Variants in SIPA1L2 observed in about 807,000 individuals in gnomAD.
SIPA1L2 encodes the protein signal induced proliferation associated 1 like 2, also known as signal-induced proliferation-associated 1-like protein 2.
SIPA1L2 carries 56 observed loss-of-function variants against 163.9 expected under a neutral mutation model. The observed-to-expected ratio is 0.34, with a 90% CI of 0.28 to 0.43. The LOEUF (loss-of-function observed/expected upper bound fraction) is 0.43. Among genes scored for constraint, SIPA1L2 ranks in the 20% least tolerant of loss-of-function variants. The pLI is 1.00. For missense variants in SIPA1L2, 1,974 were observed against 2,193.5 expected (o/e 0.90, Z 2.00); for synonymous variants, 877 against 865.7 (o/e 1.01, Z -0.23).
At chr1:232,600,767 C>A (rs1366874612) in intron 1 of SIPA1L2, among the ~76,000 whole-genome samples, 1 of 152,066 alleles carries the variant, frequency 6.6e-6, no homozygotes, top group Admixed American at 6.6e-5. Context: ...GCACTCAGTT[C>A]CAGAGCAGAA....
intron 2 of SIPA1L2, among the ~76,000 whole-genome samples, chr1:232,553,083 C>T (rs955180020): frequency 1.3e-5 from 2 of 152,154 alleles, no homozygotes; most frequent in African/African-American, 4.8e-5. Flanking sequence ...AGCATCAGGT[C>T]ACACACAGAC....
intron 1 of SIPA1L2, among the ~76,000 whole-genome samples, chr1:232,587,967 T>A (rs1467889759): frequency 6.6e-6 from 1 of 152,186 alleles, no homozygotes; most frequent in Non-Finnish European, 1.5e-5. Context: ...TCCCCAGCCA[T>A]GTGGTACTGT....
chr1:232,571,692 C>T (rs533996113), intron 2 of SIPA1L2, among the ~76,000 whole-genome samples: 18 of 152,158 alleles, frequency 1.2e-4, no homozygotes, highest in Non-Finnish European at 2.6e-4. Flanking sequence ...GCACCGTCCC[C>T]TTGGGGTTAA....
intron 8 of SIPA1L2, among the ~76,000 whole-genome samples, chr1:232,467,065 T>C (rs1359299587): frequency 6.6e-6 from 1 of 152,230 alleles, no homozygotes. Flanking sequence ...TTCTGTCAGA[T>C]GCAAACTCCT....
In SIPA1L2 at chr1:232,398,620, T is replaced by C. The variant is rs533708867; in HGVS notation, c.*507A>G. On this transcript the variant is annotated 3_prime_UTR_variant, in exon 23 of 23. Transcript: ENST00000674635. ...ACTATGTACTATGCCTCCTTTCTTA[T>C]TGCTATGGTAATGTGGCTGTGGAAA... 1 of 152,948 alleles carries C rather than the reference T, an allele frequency of 6.5e-6. No homozygotes were observed. Among genetic ancestry groups the C allele is most frequent in the East Asian group, 1.9e-4 (1 of 5,178 alleles). The allele number at this position is 152,948 out of a possible 1,614,324, so 9.5% of individuals were successfully genotyped here.
intron 1 of SIPA1L2, among the ~76,000 whole-genome samples, chr1:232,588,504 A>G (rs1201485550): frequency 6.6e-6 from 1 of 152,226 alleles, no homozygotes; most frequent in African/African-American, 2.4e-5. Context: ...TAAGTGGCCA[A>G]TGCATGATAT....
At chr1:232,493,081 G>C (rs1666011455) in intron 4 of SIPA1L2, among the ~76,000 whole-genome samples, 1 of 152,114 alleles carries the variant, frequency 6.6e-6, no homozygotes, top group Admixed American at 6.5e-5. Flanking sequence ...CAGTGAGTGA[G>C]TTCTCACAAG....
rs775307875 is a variant in SIPA1L2, at chr1:232,445,569, G to A, written c.3313C>T (p.Arg1105Ter). 1.9e-6 allele frequency: 3 copies of A among 1,613,994 alleles called. No homozygotes were observed. Among genetic ancestry groups the A allele is most frequent in the Admixed American group, 1.7e-5 (1 of 60,018 alleles). ...LLQQAQAAIP[R>*]STSFDRKLPD... ...AGCTTCCGGTCGAAGGAGGTGCTTC[G>A]AGGAATGGCAGCCTGGGCCTGCTGG... The change falls in exon 11 of 23, where the codon CGA becomes TGA. Residue 1105 changes from arginine to a stop codon, truncating the protein, a stop_gained. Coordinates refer to ENST00000674635, the MANE Select transcript of SIPA1L2 (RefSeq NM_020808.5). LOFTEE classifies it high-confidence loss of function.
At chr1:232,424,335 A>C (rs1661761591) in intron 18 of SIPA1L2, among the ~76,000 whole-genome samples, 1 of 148,862 alleles carries the variant, frequency 6.7e-6, no homozygotes, top group African/African-American at 2.5e-5. Context: ...AAAAAAAAAA[A>C]AAAAAAAAAA....
chr1:232,495,395 C>T (rs572029492), intron 3 of SIPA1L2, among the ~76,000 whole-genome samples: 1 of 151,990 alleles, frequency 6.6e-6, no homozygotes, highest in African/African-American at 2.4e-5. Context: ...AATCCCGGCT[C>T]TACTAAAAAT....
chr1:232,579,833 A>C (rs1013348700), intron 1 of SIPA1L2, among the ~76,000 whole-genome samples: 5 of 152,198 alleles, frequency 3.3e-5, no homozygotes, highest in African/African-American at 1.2e-4. Context: ...AAAAGAACTT[A>C]AAGAAATGGC....
chr1:232,616,779 C>G (rs1437261452), intron 1 of SIPA1L2, among the ~76,000 whole-genome samples: 1 of 152,206 alleles, frequency 6.6e-6, no homozygotes, highest in Non-Finnish European at 1.5e-5. Context: ...CCACCATTAA[C>G]CCGGTACAGC....
chr1:232,541,653 T>C (rs927979553), intron 2 of SIPA1L2, among the ~76,000 whole-genome samples: 3 of 152,142 alleles, frequency 2.0e-5, no homozygotes, highest in Non-Finnish European at 4.4e-5. Context: ...GACTTCCCCA[T>C]CAACTTTATC....
intron 2 of SIPA1L2, among the ~76,000 whole-genome samples, chr1:232,545,376 T>G (rs888056297): frequency 3.3e-5 from 5 of 152,238 alleles, no homozygotes; most frequent in Non-Finnish European, 5.9e-5. Context: ...TTGACTCATG[T>G]ATCTATGAGG....
intron 18 of SIPA1L2, chr1:232,415,863 T>C (rs113277474): frequency 3.1e-5 from 9 of 290,886 alleles, no homozygotes; most frequent in East Asian, 9.1e-5. Flanking sequence ...GGCACCACTG[T>C]CCCTCCCAGA....
At chr1:232,601,912 A>G (rs530864511) in intron 1 of SIPA1L2, among the ~76,000 whole-genome samples, 1 of 152,344 alleles carries the variant, frequency 6.6e-6, no homozygotes, top group African/African-American at 2.4e-5. Context: ...AAAACATACT[A>G]TTATTTATGA....
rs750904325 is a variant in SIPA1L2, at chr1:232,445,773, G to T, written c.3109C>A (p.Leu1037Ile). The T allele has an allele frequency of 1.9e-6, 3 of 1,613,140 alleles. No individual in the cohort carries two copies. The East Asian group carries it at 6.7e-5, about 36-fold the overall frequency. ...TATTCCACCATAGGGATCCGGCAGAGCTCTGAACACCCTCTGTTGGGCCAA... is the reference window on the plus strand; with the variant it reads ...TATTCCACCATAGGGATCCGGCAGATCTCTGAACACCCTCTGTTGGGCCAA... ...DGSPRRGCSELCRIPMVEYKL... is the reference protein window; with the variant it reads ...DGSPRRGCSEICRIPMVEYKL... The change falls in exon 11 of 23, where the codon CTC becomes ATC. Residue 1037 changes from leucine to isoleucine, a missense_variant. Transcript: ENST00000674635.
chr1:232,461,183 A>G (rs761328305), intron 9 of SIPA1L2, 22 bp from the exon 10 acceptor site: 1 of 1,606,426 alleles, frequency 6.2e-7, no homozygotes, highest in Non-Finnish European at 8.5e-7. Context: ...GGAGACTGTT[A>G]GAGATGCCCT....
rs201598954 is a variant in SIPA1L2, at chr1:232,514,496, A to G, written c.844T>C (p.Leu282=). Reference sequence around the variant, plus strand: ...GATGTTTCCACCGACTCTGATTTCAACCTCCGTTTGAAAGGCTTGTCCCTG... The same window carrying G: ...GATGTTTCCACCGACTCTGATTTCAGCCTCCGTTTGAAAGGCTTGTCCCTG... ...RDRDKPFKRR[L]KSESVETSLF... The change falls in exon 3 of 23, where the codon TTG becomes CTG. Residue 282 remains leucine, a synonymous_variant. Coordinates refer to ENST00000674635, the MANE Select transcript of SIPA1L2 (RefSeq NM_020808.5). The G allele has an allele frequency of 1.2e-5, 20 of 1,614,036 alleles. No homozygotes were observed. In the South Asian group the frequency reaches 2.1e-4, roughly 17 times the overall value.
Sources: gnomAD v4.1 joint callset for allele counts (sites outside exome capture counted in the v4.1 genomes callset) on GRCh38, gnomAD v4.1.1 for gene constraint, MANE v1.5 for transcripts, NCBI Gene and HGNC (gene_info 2026-07-23, HGNC 2026-07-21) for gene names.